The following FRMD4A variants were observed in gnomAD, a reference collection of about 807,000 sequenced individuals.
FRMD4A encodes FERM domain-containing protein 4A.
FRMD4A carries 29 observed loss-of-function variants against 129.1 expected under a neutral mutation model. The ratio of observed to expected loss-of-function variants is 0.22; its 90% CI spans 0.17 to 0.31. FRMD4A has a LOEUF of 0.31. Ranked by LOEUF, FRMD4A falls within the 10% of genes least tolerant of loss-of-function variation. FRMD4A has a pLI of 1.00. For synonymous variants in FRMD4A, 634 were observed against 571.6 expected, an observed-to-expected ratio of 1.11 and a Z score of -1.56; for missense variants, 1,272 against 1,375.8, an observed-to-expected ratio of 0.92 and a Z score of 1.19.
chr10:13,875,240 G>A (rs147191925), intron 2 of FRMD4A, among the ~76,000 whole-genome samples: 7 of 152,154 alleles, frequency 4.6e-5, no homozygotes, highest in African/African-American at 1.4e-4. Flanking sequence ...TGGCTAAATC[G>A]CTTGAAATAG....
At chr10:13,670,669 T>C in intron 16 of FRMD4A, 141 bp from the exon 17 acceptor site, 1 of 714,168 alleles carries the variant, frequency 1.4e-6, no homozygotes, top group African/African-American at 1.8e-5. Context: ...ATGCTAGAAA[T>C]GTTCACATTA....
intron 18 of FRMD4A, 100 bp from the exon 19 acceptor site, chr10:13,663,609 C>CTT: frequency 1.4e-6 from 1 of 716,970 alleles, no homozygotes; most frequent in East Asian, 2.6e-5. Flanking sequence ...ATACCTTTCT[C>CTT]TTCCTAACCA....
At chr10:14,158,699 G>A (rs1227929283) in intron 2 of FRMD4A, among the ~76,000 whole-genome samples, 1 of 151,142 alleles carries the variant, frequency 6.6e-6, no homozygotes, top group Non-Finnish European at 1.5e-5. Flanking sequence ...GAAGTAGGAA[G>A]AGGAAGAGGA....
rs71388154 is a variant in FRMD4A, at chr10:14,055,438, TAC to T, written c.46-196528_46-196527del. Among the ~76,000 whole-genome samples, 259 of 137,036 alleles carry T rather than the reference TAC, an allele frequency of 1.9e-3. 1 individual carries two copies. The highest frequency in any genetic ancestry group is 7.6e-3 in the African/African-American group (246 of 32,480). The allele number at this position is 137,036 out of a possible 152,430, so 89.9% of individuals were successfully genotyped here. A position where few individuals can be genotyped will look rare whatever the true frequency, so the allele number is the denominator to read the frequency against. ...CACTCTATCCCTATGCTGATCTAGC[TAC>T]ACACACACACACACACACACAAACA... On this transcript the variant is annotated intron_variant, in intron 2 of 24. Coordinates refer to ENST00000357447, the MANE Select transcript of FRMD4A (RefSeq NM_018027.5).
chr10:14,074,593 A>C (rs1218431554), intron 2 of FRMD4A: 4 of 152,184 alleles, frequency 2.6e-5, no homozygotes, highest in African/African-American at 9.7e-5. Flanking sequence ...GTAGAAGGGC[A>C]AGCATTTCAT....
chr10:14,114,950 T>C (rs1276103026), intron 2 of FRMD4A, among the ~76,000 whole-genome samples: 1 of 152,164 alleles, frequency 6.6e-6, no homozygotes, highest in Non-Finnish European at 1.5e-5. Flanking sequence ...GAGAAGGTAC[T>C]GAAGTACTGT....
chr10:13,675,281 T>A (rs908635908), intron 15 of FRMD4A, among the ~76,000 whole-genome samples: 1 of 152,214 alleles, frequency 6.6e-6, no homozygotes, highest in African/African-American at 2.4e-5. Flanking sequence ...AAAAGAAGTT[T>A]ATCTTTCTCA....
At chr10:14,315,230 C>T (rs936423569) in intron 2 of FRMD4A, among the ~76,000 whole-genome samples, 54 of 152,168 alleles carry the variant, frequency 3.5e-4, no homozygotes, top group African/African-American at 1.3e-3. Context: ...TATTGATGAC[C>T]CTGAATATGT....
intron 2 of FRMD4A, among the ~76,000 whole-genome samples, chr10:13,906,616 C>T (rs1244140721): frequency 6.6e-6 from 1 of 152,148 alleles, no homozygotes; most frequent in Non-Finnish European, 1.5e-5. Flanking sequence ...CCGTCTTCTC[C>T]ACTATGTTAG....
At chr10:13,755,336 T>C (rs1463363003) in intron 8 of FRMD4A, among the ~76,000 whole-genome samples, 1 of 152,172 alleles carries the variant, frequency 6.6e-6, no homozygotes, top group African/African-American at 2.4e-5. Flanking sequence ...AATTCACACA[T>C]GGCTCTTTAT....
intron 2 of FRMD4A, among the ~76,000 whole-genome samples, chr10:14,235,931 G>A (rs1843797170): frequency 6.6e-6 from 1 of 152,170 alleles, no homozygotes; most frequent in African/African-American, 2.4e-5. Context: ...TCCAAACTTT[G>A]ATATTTAAAG....
Position 13,858,883 on chromosome 10 carries a change from A to G in FRMD4A, c.75T>C (p.His25=). The part of the protein sequence containing the change: ...MMTEGRRCQV[H]LLDDRKLELL... ...GTTCCAGCTTCCTGTCATCAAGAAG[A>G]TGTACTTGACATCGGCGGCCCTCCG... Residue 25 remains histidine (H), a synonymous_variant, in exon 3 of 25, where the codon CAT becomes CAC. Transcript: ENST00000357447. 6.2e-7 allele frequency: 1 copy of G among 1,607,054 alleles called. No individual in the cohort carries two copies. Among genetic ancestry groups the G allele is most frequent in the Non-Finnish European group, 8.5e-7 (1 of 1,173,474 alleles).
intron 2 of FRMD4A, among the ~76,000 whole-genome samples, chr10:14,301,687 T>C (rs1324881910): frequency 1.3e-5 from 2 of 152,232 alleles, no homozygotes; most frequent in Non-Finnish European, 2.9e-5. Context: ...CTATATTCCA[T>C]ATATAGTTCT....
At chr10:13,880,220 C>G (rs1233608395) in intron 2 of FRMD4A, among the ~76,000 whole-genome samples, 2 of 152,104 alleles carry the variant, frequency 1.3e-5, no homozygotes, top group African/African-American at 2.4e-5. Context: ...CCTGATCTCA[C>G]TTTTCCCCAG....
chr10:14,120,149 T>C (rs1056564573), intron 2 of FRMD4A, among the ~76,000 whole-genome samples: 6 of 152,154 alleles, frequency 3.9e-5, no homozygotes, highest in Admixed American at 2.0e-4. Context: ...TCAGGAATTA[T>C]ATTCCTTTAT....
chr10:14,263,052 T>G (rs1206643343), intron 2 of FRMD4A, among the ~76,000 whole-genome samples: 1 of 152,222 alleles, frequency 6.6e-6, no homozygotes, highest in Non-Finnish European at 1.5e-5. Flanking sequence ...TTTCCCATCC[T>G]TGCTCAGAAA....
At chr10:14,106,953 T>G (rs1048521509) in intron 2 of FRMD4A, among the ~76,000 whole-genome samples, 2 of 152,184 alleles carry the variant, frequency 1.3e-5, no homozygotes, top group Non-Finnish European at 2.9e-5. Context: ...TCAACCTAAG[T>G]GCCCAGCAAT....
At chr10:14,127,348 G>A (rs1354820058) in intron 2 of FRMD4A, among the ~76,000 whole-genome samples, 5 of 152,166 alleles carry the variant, frequency 3.3e-5, no homozygotes, top group African/African-American at 4.8e-5. Flanking sequence ...TTGCAAGGTC[G>A]TACATTTTCT....
In FRMD4A at chr10:14,123,965, T is replaced by G. The variant is rs996854496; in HGVS notation, c.45+206093A>C. Among the ~76,000 whole-genome samples the G allele has an allele frequency of 3.3e-5, 5 of 152,292 alleles. No homozygotes were observed. The South Asian group carries it at 1.0e-3, about 32-fold the overall frequency. On this transcript the variant is annotated intron_variant, in intron 2 of 24. Transcript: ENST00000357447. ...AACCCATTTGCTCCTCCAATGTCCC[T>G]TATAAGGATGCAGAGGATTCCGTAA... is the stretch of plus-strand genomic sequence containing the variant.
Sources: allele counts gnomAD v4.1 joint callset (sites outside exome capture counted in the v4.1 genomes callset), GRCh38; gene constraint gnomAD v4.1.1; transcripts MANE v1.5; gene names NCBI Gene and HGNC (gene_info 2026-07-23, HGNC 2026-07-21).